CASS4: variants seen among roughly 807,000 people sequenced by gnomAD.
The protein encoded by CASS4 is Cas scaffold protein family member 4.
In CASS4, 22 loss-of-function variants were observed where a neutral mutation model predicts 54.2. The ratio of observed to expected loss-of-function variants is 0.41; its 90% CI spans 0.29 to 0.58. The LOEUF is 0.58. Among genes scored for constraint, CASS4 ranks in the 20% least tolerant of loss-of-function variants. CASS4 has a pLI of 0.36. For missense variants in CASS4, 854 were observed against 986.7 expected (o/e 0.87, Z 1.80); for synonymous variants, 409 against 391.5 (o/e 1.04, Z -0.53).
chr20:56,438,010 G>T (rs568078807), intron 2 of CASS4, among the ~76,000 whole-genome samples: 4 of 152,282 alleles, frequency 2.6e-5, no homozygotes, highest in African/African-American at 9.6e-5. Flanking sequence ...TCCAGGCTGG[G>T]CATGGTGGCT....
chr20:56,417,165 C>T (rs1979178504), intron 1 of CASS4, among the ~76,000 whole-genome samples: 1 of 152,192 alleles, frequency 6.6e-6, no homozygotes, highest in African/African-American at 2.4e-5. Flanking sequence ...GGTGAGGCTT[C>T]GTTTGTGAGT....
rs370180884 is a variant in CASS4, at chr20:56,437,238, C to A, written c.111C>A (p.Ile37=). 1.9e-6 allele frequency: 3 copies of A among 1,612,476 alleles called. No individual in the cohort carries two copies. Among genetic ancestry groups the A allele is most frequent in the Non-Finnish European group, 2.5e-6 (3 of 1,179,122 alleles). ...AGCTGGCTTTCAGCAGAGGGGACAT[C>A]CTGACCATTCTGGAGCAACACGTGC... ...SDELAFSRGD[I]LTILEQHVPE... is the part of the protein sequence containing the mutation. The change falls in exon 2 of 6, where the codon ATC becomes ATA. Residue 37 remains isoleucine, a synonymous_variant. Transcript: ENST00000679887. The surrounding 1 kb of genome is among the most constrained non-coding windows in gnomAD (Gnocchi z 4.7).
intron 3 of CASS4, among the ~76,000 whole-genome samples, chr20:56,447,782 T>C (rs191798340): frequency 5.2e-4 from 79 of 152,312 alleles, no homozygotes; most frequent in African/African-American, 1.9e-3. Context: ...GCCTGGTCCA[T>C]GACAAACACA....
intron 3 of CASS4, among the ~76,000 whole-genome samples, chr20:56,446,798 C>A (rs1474943241): frequency 6.6e-6 from 1 of 152,104 alleles, no homozygotes; most frequent in Non-Finnish European, 1.5e-5. Context: ...GCCCAAACAT[C>A]AGGATTTTTA....
At chr20:56,440,677 G>C (rs1264631134) in intron 2 of CASS4, among the ~76,000 whole-genome samples, 1 of 152,252 alleles carries the variant, frequency 6.6e-6, no homozygotes, top group Non-Finnish European at 1.5e-5. Context: ...TGAAAGGAAA[G>C]ATGAGTTTAC....
At chr20:56,439,517 T>TA (rs898280220) in intron 2 of CASS4, among the ~76,000 whole-genome samples, 1 of 150,970 alleles carries the variant, frequency 6.6e-6, no homozygotes, top group African/African-American at 2.4e-5. Context: ...CTAATAATAA[T>TA]AAAAAATAAT....
chr20:56,424,598 G>T (rs573830059), intron 1 of CASS4, among the ~76,000 whole-genome samples: 2 of 151,930 alleles, frequency 1.3e-5, no homozygotes, highest in African/African-American at 4.8e-5. Context: ...AAAATTTGCC[G>T]GGTGTGGTGG....
rs1466422896 is a variant in CASS4 at position 56,452,222 on chromosome 20, T to C, written c.1046T>C (p.Ile349Thr). 23 of 1,614,020 alleles carry C rather than the reference T, an allele frequency of 1.4e-5. No homozygotes were observed. Among genetic ancestry groups the C allele is most frequent in the Non-Finnish European group, 1.9e-5 (23 of 1,180,044 alleles). ...RVEQQNTKPN[I>T]YDIPKATSSV... Reference sequence around the variant, plus strand: ...GAACAGCAGAACACCAAGCCCAATATTTATGACATCCCTAAAGCAACGTCG... The same window carrying C: ...GAACAGCAGAACACCAAGCCCAATACTTATGACATCCCTAAAGCAACGTCG... Residue 349 changes from isoleucine (I) to threonine (T), a missense_variant, in exon 5 of 6, where the codon ATT becomes ACT. By Grantham distance (89) the Ile-to-Thr change is moderately conservative (BLOSUM62 -1). Transcript: ENST00000679887.
intron 1 of CASS4, among the ~76,000 whole-genome samples, chr20:56,413,604 C>T (rs541462250): frequency 6.7e-5 from 9 of 134,896 alleles, no homozygotes; most frequent in Non-Finnish European, 1.1e-4. Context: ...GCCTGGGAGG[C>T]AGAGGTTGCA....
intron 2 of CASS4, among the ~76,000 whole-genome samples, chr20:56,438,199 A>G (rs900480850): frequency 2.6e-5 from 4 of 151,978 alleles, no homozygotes; most frequent in Admixed American, 6.6e-5. Flanking sequence ...CTGAGGCAGG[A>G]GGATCGGTTG....
intron 1 of CASS4, among the ~76,000 whole-genome samples, chr20:56,418,451 C>A (rs1979252336): frequency 6.6e-6 from 1 of 152,162 alleles, no homozygotes; most frequent in African/African-American, 2.4e-5. Flanking sequence ...GCAAAGGAAA[C>A]CACCAGCCCA....
intron 5 of CASS4, among the ~76,000 whole-genome samples, chr20:56,455,869 T>C (rs1981267490): frequency 6.6e-6 from 1 of 152,052 alleles, no homozygotes; most frequent in Non-Finnish European, 1.5e-5. Context: ...AAGCAGAGGT[T>C]GCGGTGAGCT....
intron 1 of CASS4, among the ~76,000 whole-genome samples, chr20:56,436,356 GTGTGTATATATATATA>G (rs1184539257): frequency 4.1e-5 from 6 of 144,590 alleles, no homozygotes; most frequent in Admixed American, 2.8e-4. Context: ...GTGTGTGTGT[GTGTGTATATATATATA>G]TGTATATATA....
rs113302898 is a variant in CASS4 at position 56,434,745 on chromosome 20, C to G, written c.37-2419C>G. Reference sequence around the variant, plus strand: ...AGACATGAGCCACTGTGCCCGGTCCCACAATTTATTTTTAAGTGGGAAAAA... The same window carrying G: ...AGACATGAGCCACTGTGCCCGGTCCGACAATTTATTTTTAAGTGGGAAAAA... On this transcript the variant is annotated intron_variant, in intron 1 of 5. Coordinates refer to ENST00000679887, the MANE Select transcript of CASS4 (RefSeq NM_020356.4). 3.1e-3 allele frequency among the ~76,000 whole-genome samples: 476 copies of G among 152,026 alleles called. 2 individuals are homozygous for G. Among genetic ancestry groups the G allele is most frequent in the African/African-American group, 0.011 (452 of 41,470 alleles).
chr20:56,412,270 T>C lies in CASS4; in HGVS notation c.-189T>C. 1.6e-6 allele frequency: 1 copy of C among 643,750 alleles called. No homozygotes were observed. Among genetic ancestry groups the C allele is most frequent in the Non-Finnish European group, 2.7e-6 (1 of 364,456 alleles). 39.9% of individuals were successfully genotyped at this position (643,750 alleles called of 1,614,324 possible). On this transcript the variant is annotated 5_prime_UTR_variant, in exon 1 of 6. Coordinates refer to ENST00000679887, the MANE Select transcript of CASS4 (RefSeq NM_020356.4). This position sits in a 1 kb window ranked among gnomAD's most constrained non-coding sequence, Gnocchi z 4.2. ...CTGCTTCACTGCTTTCATTTTACTCTTATCGTGCTTTCCAGAAAGTTTGCC... is the reference window on the plus strand; with the variant it reads ...CTGCTTCACTGCTTTCATTTTACTCCTATCGTGCTTTCCAGAAAGTTTGCC...
Position 56,452,171 on chromosome 20 carries a change from C to G in CASS4, c.995C>G (p.Pro332Arg). The G allele has an allele frequency of 6.2e-7, 1 of 1,614,196 alleles. No homozygotes were observed. The highest frequency in any genetic ancestry group is 8.5e-7 in the Non-Finnish European group (1 of 1,180,042). Residue 332 changes from proline (P) to arginine (R), a missense_variant, in exon 5 of 6, where the codon CCT becomes CGT. Coordinates refer to ENST00000679887, the MANE Select transcript of CASS4 (RefSeq NM_020356.4). The stretch of plus-strand genomic sequence containing the variant: ...GATGAAGATGTCAGCTACAAGGTTC[C>G]TTCAAGCTTTCTGATTCCCCGAGTG... ...PLDEDVSYKV[P>R]SSFLIPRVEQ...
chr20:56,438,297 A>T (rs954019873), intron 2 of CASS4, among the ~76,000 whole-genome samples: 7 of 152,200 alleles, frequency 4.6e-5, no homozygotes, highest in African/African-American at 1.7e-4. Flanking sequence ...TCAAAAAAAA[A>T]AAAAAGTATA....
intron 2 of CASS4, among the ~76,000 whole-genome samples, chr20:56,440,638 C>G (rs1980409216): frequency 6.6e-6 from 1 of 152,206 alleles, no homozygotes; most frequent in South Asian, 2.1e-4. Flanking sequence ...ACATGGAGTC[C>G]ACTATCAACT....
At chr20:56,445,829 T>C (rs916583312) in intron 2 of CASS4, 71 bp from the exon 3 acceptor site, 2 of 1,230,246 alleles carry the variant, frequency 1.6e-6, no homozygotes, top group Non-Finnish European at 2.4e-6. Flanking sequence ...TTTGGAGAGA[T>C]GACTTTGAAC....
Sources: gnomAD v4.1 joint callset for allele counts (sites outside exome capture counted in the v4.1 genomes callset) on GRCh38, gnomAD v4.1.1 for gene constraint, Gnocchi (gnomAD v3.1) non-coding constraint, MANE v1.5 for transcripts, NCBI Gene and HGNC (gene_info 2026-07-23, HGNC 2026-07-21) for gene names.